The following PDE6D variants were observed in gnomAD, a reference collection of about 807,000 sequenced individuals.
The protein encoded by PDE6D is retinal rod rhodopsin-sensitive cGMP 3',5'-cyclic phosphodiesterase subunit delta.
Under a neutral mutation model 21.9 loss-of-function variants are expected in PDE6D, and 10 were observed. That is an observed-to-expected ratio of 0.46 (90% confidence interval 0.28 to 0.78). The LOEUF (loss-of-function observed/expected upper bound fraction) is 0.78. Among genes scored for constraint, PDE6D ranks in the 30% least tolerant of loss-of-function variants. PDE6D has a pLI of 0.12. For missense variants in PDE6D, 139 were observed against 184.8 expected, an observed-to-expected ratio of 0.75 and a Z score of 1.44; for synonymous variants, 59 against 63.5, an observed-to-expected ratio of 0.93 and a Z score of 0.34.
At chr2:231,747,980 G>A (rs1191555483) in intron 1 of PDE6D, among the ~76,000 whole-genome samples, 1 of 152,180 alleles carries the variant, frequency 6.6e-6, no homozygotes, top group Non-Finnish European at 1.5e-5. Context: ...CCAACCATGT[G>A]GAACTGTAAG....
chr2:231,764,696 A>G (rs1366392025), intron 1 of PDE6D, among the ~76,000 whole-genome samples: 1 of 152,202 alleles, frequency 6.6e-6, no homozygotes, highest in Admixed American at 6.5e-5. Context: ...TCCATTCTCC[A>G]AAGTGTTGTT....
intron 4 of PDE6D, among the ~76,000 whole-genome samples, chr2:231,734,028 A>G (rs1273406265): frequency 6.6e-6 from 1 of 151,926 alleles, no homozygotes; most frequent in East Asian, 1.9e-4. Flanking sequence ...CTGGCTAAAC[A>G]GGGTGAAACC....
intron 1 of PDE6D, among the ~76,000 whole-genome samples, chr2:231,747,567 C>T (rs981515099): frequency 1.3e-5 from 2 of 152,070 alleles, no homozygotes; most frequent in Non-Finnish European, 2.9e-5. Context: ...TGGTTTTCCC[C>T]GCTTCTATTC....
At position 231,732,773 on chromosome 2, in the gene PDE6D, G is replaced by T; in HGVS notation, c.*179C>A. The stretch of plus-strand genomic sequence containing the variant: ...GGTCAGCTGGAAGATGGTGGCTTGG[G>T]AAAAAGAGCCATCTGGTTACCTACA... On this transcript the variant is annotated 3_prime_UTR_variant, in exon 5 of 5. Coordinates refer to ENST00000287600, the MANE Select transcript of PDE6D (RefSeq NM_002601.4). 1.8e-6 allele frequency: 1 copy of T among 564,700 alleles called. No homozygotes were observed. Among genetic ancestry groups the T allele is most frequent in the Non-Finnish European group, 3.2e-6 (1 of 315,012 alleles). The allele number at this position is 564,700 out of a possible 1,614,324, so 35.0% of individuals were successfully genotyped here.
At chr2:231,742,224 C>T (rs772500391) in intron 1 of PDE6D, among the ~76,000 whole-genome samples, 3 of 152,082 alleles carry the variant, frequency 2.0e-5, no homozygotes, top group Admixed American at 6.6e-5. Flanking sequence ...TGGGTTCAAG[C>T]AATTCTCCTG....
intron 1 of PDE6D, among the ~76,000 whole-genome samples, chr2:231,747,283 G>A (rs1176148148): frequency 6.6e-6 from 1 of 152,148 alleles, no homozygotes; most frequent in Non-Finnish European, 1.5e-5. Flanking sequence ...TAGAGACGGG[G>A]TTTCACCATG....
intron 1 of PDE6D, among the ~76,000 whole-genome samples, chr2:231,751,068 C>T (rs1376228925): frequency 6.6e-6 from 1 of 151,956 alleles, no homozygotes; most frequent in African/African-American, 2.4e-5. Flanking sequence ...CATTTCAATT[C>T]ATATCAATTC....
chr2:231,762,223 T>C (rs530048338), intron 1 of PDE6D, among the ~76,000 whole-genome samples: 34 of 152,194 alleles, frequency 2.2e-4, no homozygotes, highest in African/African-American at 7.9e-4. Context: ...TTCAAAATAA[T>C]GATCTCCATT....
At chr2:231,777,554 C>T (rs1345331516) in intron 1 of PDE6D, among the ~76,000 whole-genome samples, 1 of 152,120 alleles carries the variant, frequency 6.6e-6, no homozygotes, top group African/African-American at 2.4e-5. Flanking sequence ...GGACCTTAAA[C>T]ACACATATTA....
chr2:231,739,310 C>G lies in PDE6D; in HGVS notation c.51-122G>C, dbSNP rs763335311. 9.2e-6 allele frequency: 7 copies of G among 762,498 alleles called. No individual in the cohort carries two copies. The highest frequency in any genetic ancestry group is 2.3e-4 in the Middle Eastern group (1 of 4,394). The allele number at this position is 762,498 out of a possible 1,614,324, so 47.2% of individuals were successfully genotyped here. On this transcript the variant is annotated intron_variant, in intron 1 of 4. Coordinates refer to ENST00000287600, the MANE Select transcript of PDE6D (RefSeq NM_002601.4). This position sits in a 1 kb window ranked among gnomAD's most constrained non-coding sequence, Gnocchi z 4.2. Reference sequence around the variant, plus strand: ...TTTTTAAAAAGTTTGTCAAACTGCTCATTGCCATGGAAGCACATAAGAATG... The same window carrying G: ...TTTTTAAAAAGTTTGTCAAACTGCTGATTGCCATGGAAGCACATAAGAATG...
intron 1 of PDE6D, among the ~76,000 whole-genome samples, chr2:231,749,461 C>T (rs1022903092): frequency 6.7e-6 from 1 of 149,688 alleles, no homozygotes; most frequent in African/African-American, 2.5e-5. Flanking sequence ...GGCTCATAGG[C>T]GGATGGGACT....
chr2:231,736,467 T>C (rs2048703367), intron 4 of PDE6D, among the ~76,000 whole-genome samples: 1 of 152,150 alleles, frequency 6.6e-6, no homozygotes, highest in African/African-American at 2.4e-5. Context: ...GTGTGTGCCA[T>C]TACGCCCAGC....
intron 4 of PDE6D, among the ~76,000 whole-genome samples, chr2:231,733,344 C>T (rs573917959): frequency 2.0e-5 from 3 of 152,344 alleles, no homozygotes; most frequent in South Asian, 4.1e-4. Context: ...ATCCGACTGA[C>T]TTTCTGATAC....
At chr2:231,763,894 C>A (rs2048951016) in intron 1 of PDE6D, among the ~76,000 whole-genome samples, 1 of 151,648 alleles carries the variant, frequency 6.6e-6, no homozygotes, top group South Asian at 2.1e-4. Flanking sequence ...CCACTCTGGC[C>A]TCCCAAAGTG....
intron 4 of PDE6D, among the ~76,000 whole-genome samples, chr2:231,734,813 C>CTCCA (rs1206335756): frequency 6.9e-6 from 1 of 145,808 alleles, no homozygotes; most frequent in Admixed American, 6.9e-5. Context: ...TGCTACTGCA[C>CTCCA]TCCAGCCTGG....
intron 1 of PDE6D, among the ~76,000 whole-genome samples, chr2:231,766,387 A>C (rs147807681): frequency 2.2e-4 from 34 of 152,362 alleles, no homozygotes; most frequent in South Asian, 8.3e-4. Context: ...TCCTACTGAC[A>C]TGTACAGTTA....
chr2:231,755,303 T>C (rs1010015814), intron 1 of PDE6D, among the ~76,000 whole-genome samples: 4 of 152,176 alleles, frequency 2.6e-5, no homozygotes, highest in Non-Finnish European at 4.4e-5. Flanking sequence ...CTTTTTTTCA[T>C]AATGAAATAA....
intron 1 of PDE6D, among the ~76,000 whole-genome samples, chr2:231,756,606 T>G (rs1305531516): frequency 6.7e-6 from 1 of 149,674 alleles, no homozygotes; most frequent in Non-Finnish European, 1.5e-5. Flanking sequence ...CCTGGCTTTT[T>G]TTTTTTTTTT....
At chr2:231,773,681 A>G (rs759636324) in intron 1 of PDE6D, among the ~76,000 whole-genome samples, 4 of 152,214 alleles carry the variant, frequency 2.6e-5, no homozygotes, top group Non-Finnish European at 5.9e-5. Flanking sequence ...GAAATGTAAG[A>G]AAACAAGTGA....
Sources: gnomAD v4.1 joint callset for allele counts (sites outside exome capture counted in the v4.1 genomes callset) on GRCh38, gnomAD v4.1.1 for gene constraint, Gnocchi (gnomAD v3.1) non-coding constraint, MANE v1.5 for transcripts, NCBI Gene and HGNC (gene_info 2026-07-23, HGNC 2026-07-21) for gene names.